ANGPT4: variants seen among roughly 807,000 people sequenced by gnomAD.
ANGPT4 encodes angiopoietin 4.
In ANGPT4, 50 loss-of-function variants were observed where a neutral mutation model predicts 53.0. The observed-to-expected ratio is 0.94, with a 90% CI of 0.75 to 1.20. The LOEUF (loss-of-function observed/expected upper bound fraction) is 1.20. Ranked by LOEUF, ANGPT4 falls within the 50% of genes most tolerant of loss-of-function variation. ANGPT4 has a pLI of 0.00. For synonymous variants in ANGPT4, 251 were observed against 259.7 expected, an observed-to-expected ratio of 0.97 and a Z score of 0.32; for missense variants, 648 against 637.1, an observed-to-expected ratio of 1.02 and a Z score of -0.18.
intron 1 of ANGPT4, among the ~76,000 whole-genome samples, chr20:898,505 C>T (rs539321253): frequency 2.0e-5 from 3 of 152,334 alleles, no homozygotes; most frequent in East Asian, 1.9e-4. Flanking sequence ...CTTCACAGCC[C>T]TAGACCCAGA....
At chr20:913,716 T>C (rs1425414549) in intron 1 of ANGPT4, among the ~76,000 whole-genome samples, 1 of 152,192 alleles carries the variant, frequency 6.6e-6, no homozygotes, top group African/African-American at 2.4e-5. Flanking sequence ...TGGGAGGTGA[T>C]GACAGCATCC....
At chr20:903,852 G>A (rs1346040308) in intron 1 of ANGPT4, among the ~76,000 whole-genome samples, 1 of 152,156 alleles carries the variant, frequency 6.6e-6, no homozygotes, top group Non-Finnish European at 1.5e-5. Flanking sequence ...GCCCAGGCAG[G>A]GAGACATCTG....
chr20:903,675 G>A (rs1476491222), intron 1 of ANGPT4, among the ~76,000 whole-genome samples: 1 of 152,226 alleles, frequency 6.6e-6, no homozygotes, highest in Non-Finnish European at 1.5e-5. Context: ...AGTGAACAGA[G>A]TCCAAACCAG....
intron 5 of ANGPT4, 38 bp downstream of exon 5, chr20:881,133 A>G (rs1305324881): frequency 6.7e-7 from 1 of 1,501,898 alleles, no homozygotes; most frequent in Non-Finnish European, 9.0e-7. Context: ...TTGGCTCAGC[A>G]CCCTCTAACA....
At chr20:890,916 C>T (rs1380355408) in intron 1 of ANGPT4, among the ~76,000 whole-genome samples, 1 of 152,240 alleles carries the variant, frequency 6.6e-6, no homozygotes, top group Non-Finnish European at 1.5e-5. Flanking sequence ...GCGTGGCACA[C>T]CTCCTCATGC....
rs1980942921 is a variant in ANGPT4 at position 871,602 on chromosome 20, G to A, written c.*1358C>T. The A allele has an allele frequency of 6.6e-6, 1 of 152,466 alleles. No homozygotes were observed. The highest frequency in any genetic ancestry group is 6.5e-5 in the Admixed American group (1 of 15,292). 9.4% of individuals were successfully genotyped at this position (152,466 alleles called of 1,614,324 possible). On this transcript the variant is annotated 3_prime_UTR_variant, in exon 9 of 9. Transcript: ENST00000381922. The stretch of plus-strand genomic sequence containing the variant: ...CTGCAGCTCCCCACCTACCACCACA[G>A]AGGCAGCATCACTGCTGGATGGGGA...
intron 1 of ANGPT4, among the ~76,000 whole-genome samples, chr20:890,979 A>C (rs558402779): frequency 1.7e-3 from 255 of 152,212 alleles, no homozygotes; most frequent in African/African-American, 5.6e-3. Context: ...TAAAATCACT[A>C]TCTCTCTTTT....
chr20:910,914 C>T lies in ANGPT4; in HGVS notation c.309+4992G>A, dbSNP rs1379587375. The stretch of plus-strand genomic sequence containing the variant: ...TTCCAGGCCCCCTTCTTGGAAAAAT[C>T]ATCCCATTCCTCTAAGAAGCAGATG... On this transcript the variant is annotated intron_variant, in intron 1 of 8. Transcript: ENST00000381922. Among the ~76,000 whole-genome samples, 25 of 151,750 alleles carry T rather than the reference C, an allele frequency of 1.6e-4. 1 individual carries two copies. The highest frequency in any genetic ancestry group is 1.6e-3 in the Admixed American group (25 of 15,256).
chr20:906,112 G>C (rs1982469811), intron 1 of ANGPT4, among the ~76,000 whole-genome samples: 1 of 152,328 alleles, frequency 6.6e-6, no homozygotes, highest in Non-Finnish European at 1.5e-5. Flanking sequence ...GTCAGGACTG[G>C]CTGGCATGAC....
intron 1 of ANGPT4, among the ~76,000 whole-genome samples, chr20:900,991 A>C (rs1982262459): frequency 1.3e-5 from 2 of 151,874 alleles, no homozygotes; most frequent in African/African-American, 4.8e-5. Context: ...CCTTCTAACA[A>C]CCCCACAATG....
chr20:894,623 TC>T (rs780040461), intron 1 of ANGPT4, among the ~76,000 whole-genome samples: 2 of 152,098 alleles, frequency 1.3e-5, no homozygotes, highest in Non-Finnish European at 2.9e-5. Context: ...TTTTCATGCA[TC>T]ATTGACCTCC....
In ANGPT4 at chr20:914,787, C is replaced by T. The variant is rs908270938; in HGVS notation, c.309+1119G>A. Among the ~76,000 whole-genome samples the T allele has an allele frequency of 4.6e-5, 7 of 152,096 alleles. No individual in the cohort carries two copies. Among genetic ancestry groups the T allele is most frequent in the African/African-American group, 9.7e-5 (4 of 41,394 alleles). On this transcript the variant is annotated intron_variant, in intron 1 of 8. Transcript: ENST00000381922. This position sits in a 1 kb window ranked among gnomAD's most constrained non-coding sequence, Gnocchi z 5.0. ...GGATGTCTCCTGTACCCTCATGCCCCGCCAGGGCCAAGCCTGCTTTGCACA... is the reference window on the plus strand; with the variant it reads ...GGATGTCTCCTGTACCCTCATGCCCTGCCAGGGCCAAGCCTGCTTTGCACA...
At chr20:909,589 C>T (rs1378815865) in intron 1 of ANGPT4, among the ~76,000 whole-genome samples, 1 of 152,210 alleles carries the variant, frequency 6.6e-6, no homozygotes, top group Non-Finnish European at 1.5e-5. Flanking sequence ...CTCTGCCAGG[C>T]CCTGTACTGA....
chr20:898,670 C>T (rs1982151951), intron 1 of ANGPT4, among the ~76,000 whole-genome samples: 1 of 152,210 alleles, frequency 6.6e-6, no homozygotes, highest in South Asian at 2.1e-4. Flanking sequence ...AGAGAAGAGG[C>T]AGCCAAGTGG....
At chr20:892,944 C>G (rs1981906257) in intron 1 of ANGPT4, among the ~76,000 whole-genome samples, 1 of 152,194 alleles carries the variant, frequency 6.6e-6, no homozygotes, top group Non-Finnish European at 1.5e-5. Context: ...ATGGCCACTC[C>G]CTGTTGCTGG....
chr20:915,832 G>A, intron 1 of ANGPT4, 74 bp downstream of exon 1: 1 of 1,488,504 alleles, frequency 6.7e-7, no homozygotes, highest in African/African-American at 1.4e-5. Context: ...CCTCTTGGAT[G>A]GACACTCCAC....
chr20:912,785 G>A (rs886416172), intron 1 of ANGPT4, among the ~76,000 whole-genome samples: 1 of 152,128 alleles, frequency 6.6e-6, no homozygotes, highest in African/African-American at 2.4e-5. Context: ...GAAAGAGTGC[G>A]TATCTGGGGA....
Position 879,790 on chromosome 20 carries a change from T to A in ANGPT4, c.1010A>T (p.Asn337Ile). The A allele has an allele frequency of 6.2e-7, 1 of 1,613,766 alleles. No individual in the cohort carries two copies. The highest frequency in any genetic ancestry group is 1.1e-5 in the South Asian group (1 of 91,030). Residue 337 changes from asparagine to isoleucine, a missense_variant, in exon 6 of 9, where the codon AAT becomes ATT. Physicochemically the swap from Asn to Ile is moderately radical, Grantham distance 149 (BLOSUM62 -3). Transcript: ENST00000381922. ...GRWTLIQRRE[N>I]GTVNFQRNWK... is the part of the protein sequence containing the mutation. ...GTTCCGCTGAAAATTCACGGTGCCA[T>A]TCTCACGGCGCTGGATGAGGGTCCA...
In ANGPT4 at chr20:890,218, C is replaced by T. The variant is rs138675528; in HGVS notation, c.460G>A (p.Ala154Thr). The change falls in exon 2 of 9, where the codon GCT (alanine) becomes ACT (threonine). Residue 154 changes from alanine to threonine, a missense_variant. By Grantham distance (58) the Ala-to-Thr change is moderately conservative. Coordinates refer to ENST00000381922, the MANE Select transcript of ANGPT4 (RefSeq NM_015985.4). ...AQIRKLTDME[A>T]QLLNQTSRMD... Reference sequence around the variant, plus strand: ...ACTCAGTCACCCTCTGTTACCTGAGCCTCCATGTCGGTCAGCTTGCGGATC... The same window carrying T: ...ACTCAGTCACCCTCTGTTACCTGAGTCTCCATGTCGGTCAGCTTGCGGATC... 6.2e-7 allele frequency: 1 copy of T among 1,613,286 alleles called. No individual in the cohort carries two copies. The highest frequency in any genetic ancestry group is 8.5e-7 in the Non-Finnish European group (1 of 1,179,670).
Sources: allele counts gnomAD v4.1 joint callset (sites outside exome capture counted in the v4.1 genomes callset), GRCh38; gene constraint gnomAD v4.1.1; non-coding constraint Gnocchi (gnomAD v3.1); transcripts MANE v1.5; gene names NCBI Gene and HGNC (gene_info 2026-07-23, HGNC 2026-07-21).